The following SLC25A24 variants were observed in gnomAD, a reference collection of about 807,000 sequenced individuals.
SLC25A24 encodes the protein mitochondrial adenyl nucleotide antiporter SLC25A24.
In SLC25A24, 49 loss-of-function variants were observed where a neutral mutation model predicts 60.7. The observed-to-expected ratio is 0.81, with a 90% confidence interval of 0.64 to 1.02. The LOEUF (loss-of-function observed/expected upper bound fraction) is 1.02, where lower values mean the gene tolerates loss of function less well. Among genes scored for constraint, SLC25A24 ranks in the 50% least tolerant of loss-of-function variants. The pLI, the probability that SLC25A24 is intolerant of heterozygous loss-of-function variation, is 0.00. For synonymous variants in SLC25A24, 202 were observed against 200.6 expected (o/e 1.01, Z -0.06); for missense variants, 564 against 586.3 (o/e 0.96, Z 0.39).
chr1:108,189,375 C>T (rs1648262179), intron 1 of SLC25A24, among the ~76,000 whole-genome samples: 1 of 152,134 alleles, frequency 6.6e-6, no homozygotes, highest in African/African-American at 2.4e-5. Flanking sequence ...AATTGCACAC[C>T]ATTCTGAGTA....
intron 3 of SLC25A24, among the ~76,000 whole-genome samples, chr1:108,178,006 T>C (rs926536387): frequency 2.0e-5 from 3 of 151,750 alleles, no homozygotes; most frequent in African/African-American, 7.3e-5. Flanking sequence ...TTACTAAAAA[T>C]ACAAAAATTA....
intron 7 of SLC25A24, among the ~76,000 whole-genome samples, chr1:108,147,732 A>G (rs904552397): frequency 2.6e-5 from 4 of 151,866 alleles, no homozygotes; most frequent in Non-Finnish European, 5.9e-5. Flanking sequence ...AATGGCAGCC[A>G]GCCTCTAAAG....
intron 3 of SLC25A24, among the ~76,000 whole-genome samples, chr1:108,172,248 T>A (rs372235377): frequency 1.1e-4 from 17 of 152,320 alleles, no homozygotes; most frequent in African/African-American, 4.1e-4. Flanking sequence ...GAGGCTATAT[T>A]TCAACTCAGT....
intron 3 of SLC25A24, among the ~76,000 whole-genome samples, chr1:108,168,825 C>T (rs543488435): frequency 7.4e-4 from 112 of 152,258 alleles, no homozygotes; most frequent in African/African-American, 2.5e-3. Context: ...TTGATTTTAA[C>T]GCAGCTGAAT....
Position 108,136,141 on chromosome 1 carries a change from G to A in SLC25A24, c.*512C>T, listed in dbSNP as rs1679275562. On this transcript the variant is annotated 3_prime_UTR_variant, in exon 10 of 10. Transcript: ENST00000565488. The stretch of plus-strand genomic sequence containing the variant: ...CGTATTCAGCTGAAAGAAAAATAAG[G>A]ACATAAACCCTATACTTATTTGGAT... The A allele has an allele frequency of 1.3e-5, 2 of 152,098 alleles. No homozygotes were observed. Among genetic ancestry groups the A allele is most frequent in the African/African-American group, 4.8e-5 (2 of 41,384 alleles). The allele number at this position is 152,098 out of a possible 1,614,324, so 9.4% of individuals were successfully genotyped here.
intron 1 of SLC25A24, among the ~76,000 whole-genome samples, chr1:108,195,309 G>C (rs369089283): frequency 2.6e-5 from 4 of 152,336 alleles, no homozygotes; most frequent in African/African-American, 7.2e-5. Flanking sequence ...CTCAGGCAGA[G>C]AGAAGAAAAT....
At chr1:108,180,979 T>C (rs187885873) in intron 3 of SLC25A24, among the ~76,000 whole-genome samples, 3 of 152,360 alleles carry the variant, frequency 2.0e-5, no homozygotes, top group Non-Finnish European at 2.9e-5. Flanking sequence ...AATATTACTT[T>C]AGAAGCAGAA....
At chr1:108,143,889 C>T (rs966876992) in intron 7 of SLC25A24, among the ~76,000 whole-genome samples, 179 bp from the exon 8 acceptor site, 3 of 152,122 alleles carry the variant, frequency 2.0e-5, no homozygotes, top group Non-Finnish European at 4.4e-5. Context: ...AGACCAAAGC[C>T]AGAGAGACCC....
In SLC25A24 at chr1:108,157,679, T is replaced by A. The variant is rs867066423; in HGVS notation, c.511-59A>T. The A allele has an allele frequency of 2.3e-4, 364 of 1,561,960 alleles. 1 individual carries two copies. Among genetic ancestry groups the A allele is most frequent in the Middle Eastern group, 2.2e-3 (13 of 5,826 alleles). ...TAGTTAAAAATAATCCCAGAAGACG[T>A]TTTGTTTTAGAGAAGAATCATGTTA... On this transcript the variant is annotated intron_variant, in intron 4 of 9. Coordinates refer to ENST00000565488, the MANE Select transcript of SLC25A24 (RefSeq NM_013386.5).
At chr1:108,188,324 C>A (rs1336969095) in intron 1 of SLC25A24, among the ~76,000 whole-genome samples, 1 of 152,090 alleles carries the variant, frequency 6.6e-6, no homozygotes, top group Non-Finnish European at 1.5e-5. Flanking sequence ...ACCTCAGCAT[C>A]ATGCAATATA....
At chr1:108,176,294 G>C (rs1285913134) in intron 3 of SLC25A24, among the ~76,000 whole-genome samples, 1 of 151,886 alleles carries the variant, frequency 6.6e-6, no homozygotes, top group Non-Finnish European at 1.5e-5. Context: ...AAGAAACTAT[G>C]AACTCAAAGA....
intron 1 of SLC25A24, among the ~76,000 whole-genome samples, chr1:108,190,064 T>C (rs1648294920): frequency 6.6e-6 from 1 of 151,868 alleles, no homozygotes; most frequent in Non-Finnish European, 1.5e-5. Flanking sequence ...ACCAATCAAA[T>C]GAGAAAAGTA....
intron 1 of SLC25A24, among the ~76,000 whole-genome samples, chr1:108,187,929 T>TAGATAGATAG (rs1225496682): frequency 7.5e-5 from 10 of 132,680 alleles, no homozygotes; most frequent in Admixed American, 3.7e-4. Flanking sequence ...ACATTATAGA[T>TAGATAGATAG]ATATATATAT....
At chr1:108,173,929 C>T (rs1436267541) in intron 3 of SLC25A24, among the ~76,000 whole-genome samples, 1 of 152,044 alleles carries the variant, frequency 6.6e-6, no homozygotes, top group Non-Finnish European at 1.5e-5. Context: ...AACTTTGAAC[C>T]TAAGAGAGAT....
chr1:108,150,146 C>T (rs981711362), intron 6 of SLC25A24, among the ~76,000 whole-genome samples: 10 of 152,078 alleles, frequency 6.6e-5, no homozygotes, highest in African/African-American at 2.4e-4. Flanking sequence ...TTTGAAGGTA[C>T]CTTTTATACC....
chr1:108,162,363 T>G (rs935456520), intron 3 of SLC25A24, among the ~76,000 whole-genome samples: 5 of 149,592 alleles, frequency 3.3e-5, no homozygotes, highest in Non-Finnish European at 7.4e-5. Flanking sequence ...CCTGAGGAAT[T>G]GCCACACTGA....
chr1:108,200,200 A>C lies in SLC25A24; in HGVS notation c.-62T>G. On this transcript the variant is annotated 5_prime_UTR_variant, in exon 1 of 10. Coordinates refer to ENST00000565488, the MANE Select transcript of SLC25A24 (RefSeq NM_013386.5). ...ACGGGAGATCGAGGGCTGCGGGGCG[A>C]GACCGGGACCAGCGCGAGGCCGGGC... 17 of 1,454,958 alleles carry C rather than the reference A, an allele frequency of 1.2e-5. No homozygotes were observed. Among genetic ancestry groups the C allele is most frequent in the Non-Finnish European group, 1.5e-5 (17 of 1,100,584 alleles). The allele number at this position is 1,454,958 out of a possible 1,614,324, so 90.1% of individuals were successfully genotyped here. A position where few individuals can be genotyped will look rare whatever the true frequency, so the allele number is the denominator to read the frequency against.
In SLC25A24 at chr1:108,197,429, T is replaced by C. The variant is rs1217060527; in HGVS notation, c.183+2527A>G. Among the ~76,000 whole-genome samples the C allele has an allele frequency of 2.0e-5, 3 of 152,220 alleles. No homozygotes were observed. The East Asian group carries it at 5.8e-4, about 29-fold the overall frequency. On this transcript the variant is annotated intron_variant, in intron 1 of 9. Transcript: ENST00000565488. ...TTTGGCTTAGATACAAACTACTACC[T>C]TGAAACTTTCCACCGAAGAGTCACC...
intron 9 of SLC25A24, 63 bp from the exon 10 acceptor site, chr1:108,136,900 C>A: frequency 7.1e-7 from 1 of 1,415,812 alleles, no homozygotes. Context: ...TGACAACAAA[C>A]AATTATGACC....
Sources: allele counts gnomAD v4.1 joint callset (sites outside exome capture counted in the v4.1 genomes callset), GRCh38; gene constraint gnomAD v4.1.1; transcripts MANE v1.5; gene names NCBI Gene and HGNC (gene_info 2026-07-23, HGNC 2026-07-21).